Variants in FSHR observed in about 807,000 individuals in gnomAD.
FSHR encodes follicle stimulating hormone receptor.
FSHR carries 46 observed loss-of-function variants against 52.1 expected under a neutral mutation model. That is an observed-to-expected ratio of 0.88 (90% CI 0.70 to 1.13). FSHR has a LOEUF of 1.13. Among genes scored for constraint, FSHR ranks in the 50% most tolerant of loss-of-function variants. The pLI is 0.00. For missense variants in FSHR, 964 were observed against 834.6 expected (o/e 1.16, Z -1.91); for synonymous variants, 399 against 309.6 (o/e 1.29, Z -3.03).
In FSHR at chr2:49,017,824, A is replaced by G. The variant is rs1173374139; in HGVS notation, c.300-261T>C. Reference sequence around the variant, plus strand: ...TCATTACCTGGGCCCTGTCCGCTGGAGGCAAACAGAGCATTGGCTGGGTGG... The same window carrying G: ...TCATTACCTGGGCCCTGTCCGCTGGGGGCAAACAGAGCATTGGCTGGGTGG... On this transcript the variant is annotated intron_variant, in intron 3 of 9. Coordinates refer to ENST00000406846, the MANE Select transcript of FSHR (RefSeq NM_000145.4). Among the ~76,000 whole-genome samples, 8 of 152,182 alleles carry G rather than the reference A, an allele frequency of 5.3e-5. No homozygotes were observed. In the South Asian group the frequency reaches 1.7e-3, roughly 32 times the overall value.
chr2:49,011,266 C>T (rs1667260799), intron 4 of FSHR, among the ~76,000 whole-genome samples: 1 of 151,916 alleles, frequency 6.6e-6, no homozygotes, highest in African/African-American at 2.4e-5. Flanking sequence ...ATATTTATTT[C>T]TGCCTTCATT....
intron 2 of FSHR, among the ~76,000 whole-genome samples, chr2:49,057,678 A>G (rs1669112560): frequency 2.0e-5 from 3 of 152,172 alleles, no homozygotes; most frequent in South Asian, 2.1e-4. Context: ...ACTCATTCTC[A>G]TAGGCCAGCA....
In FSHR at chr2:48,996,735, T is replaced by C. The variant is rs139637081; in HGVS notation, c.375-6098A>G. On this transcript the variant is annotated intron_variant, in intron 4 of 9. Coordinates refer to ENST00000406846, the MANE Select transcript of FSHR (RefSeq NM_000145.4). Reference sequence around the variant, plus strand: ...TCATTCAACCTCAGTTGGGAACCCATGTCAAGACACTCAAATTTTTGTCTT... The same window carrying C: ...TCATTCAACCTCAGTTGGGAACCCACGTCAAGACACTCAAATTTTTGTCTT... 9.2e-5 allele frequency among the ~76,000 whole-genome samples: 14 copies of C among 152,232 alleles called. 1 individual carries two copies.
intron 2 of FSHR, among the ~76,000 whole-genome samples, chr2:49,054,639 T>A (rs1382151667): frequency 1.3e-5 from 2 of 152,098 alleles, no homozygotes; most frequent in African/African-American, 4.8e-5. Context: ...AGACCCTGAG[T>A]TGGCCAACGC....
intron 1 of FSHR, among the ~76,000 whole-genome samples, chr2:49,091,307 T>A (rs2103690913): frequency 6.6e-6 from 1 of 151,872 alleles, no homozygotes; most frequent in East Asian, 1.9e-4. Context: ...TTTAGAACAT[T>A]AAAAAAAAAT....
chr2:49,087,181 A>G (rs1441345482), intron 1 of FSHR, among the ~76,000 whole-genome samples: 1 of 149,486 alleles, frequency 6.7e-6, no homozygotes, highest in African/African-American at 2.5e-5. Context: ...AACAGGATAT[A>G]TACACTTTCC....
At chr2:49,013,497 T>TATAAATATATATATATATAA (rs1558389476) in intron 4 of FSHR, among the ~76,000 whole-genome samples, 27 of 66,578 alleles carry the variant, frequency 4.1e-4, no homozygotes, top group African/African-American at 9.5e-4. Context: ...TATATATATA[T>TATAAATATATATATATATAA]ATAAATATAT....
Position 49,154,502 on chromosome 2 carries a change from A to T in FSHR, c.-85T>A. 7.2e-7 allele frequency: 1 copy of T among 1,382,598 alleles called. No individual in the cohort carries two copies. The highest frequency in any genetic ancestry group is 1.0e-6 in the Non-Finnish European group (1 of 981,546). 85.6% of individuals were successfully genotyped at this position (1,382,598 alleles called of 1,614,324 possible). A position where few individuals can be genotyped will look rare whatever the true frequency, so the allele number is the denominator to read the frequency against. On this transcript the variant is annotated 5_prime_UTR_variant, in exon 1 of 10. Coordinates refer to ENST00000406846, the MANE Select transcript of FSHR (RefSeq NM_000145.4). The stretch of plus-strand genomic sequence containing the variant: ...CTCAGAAGCTCCACACAGTGCCCTT[A>T]TGAGAAGAGATCTGACTTGAGAACT...
At chr2:49,070,724 T>G (rs947971606) in intron 1 of FSHR, among the ~76,000 whole-genome samples, 3 of 152,204 alleles carry the variant, frequency 2.0e-5, no homozygotes, top group African/African-American at 4.8e-5. Context: ...AGTTCAAACT[T>G]ATTAACATAA....
At chr2:49,122,156 A>G (rs985335918) in intron 1 of FSHR, among the ~76,000 whole-genome samples, 1 of 152,206 alleles carries the variant, frequency 6.6e-6, no homozygotes, top group Non-Finnish European at 1.5e-5. Context: ...ACTTTAGGAT[A>G]AAATATGCTT....
At chr2:49,061,270 G>T (rs1669277796) in intron 2 of FSHR, among the ~76,000 whole-genome samples, 1 of 152,050 alleles carries the variant, frequency 6.6e-6, no homozygotes, top group Admixed American at 6.6e-5. Flanking sequence ...CCCCATAGCT[G>T]CTGTGAGCAT....
chr2:49,072,466 T>A (rs754012976), intron 1 of FSHR, among the ~76,000 whole-genome samples: 1 of 152,090 alleles, frequency 6.6e-6, no homozygotes, highest in Non-Finnish European at 1.5e-5. Context: ...AAGCTTCCAA[T>A]ACAATAAACT....
chr2:49,087,356 GC>G (rs963684794), intron 1 of FSHR, among the ~76,000 whole-genome samples: 4 of 152,146 alleles, frequency 2.6e-5, no homozygotes, highest in African/African-American at 9.6e-5. Context: ...AAACAAGAAA[GC>G]CAGAGAGGGG....
At chr2:49,059,721 G>C (rs1669212846) in intron 2 of FSHR, 2 of 152,128 alleles carry the variant, frequency 1.3e-5, no homozygotes, top group Admixed American at 1.3e-4. Context: ...ACTCAACATG[G>C]ATCAAATTCC....
At chr2:49,016,111 T>C (rs1285670058) in intron 4 of FSHR, among the ~76,000 whole-genome samples, 1 of 152,208 alleles carries the variant, frequency 6.6e-6, no homozygotes, top group Non-Finnish European at 1.5e-5. Flanking sequence ...GTGTTTCTTA[T>C]TATACCTGTT....
intron 1 of FSHR, among the ~76,000 whole-genome samples, chr2:49,121,362 A>C (rs1671811805): frequency 6.6e-6 from 1 of 152,206 alleles, no homozygotes; most frequent in Non-Finnish European, 1.5e-5. Flanking sequence ...ACCAAATAAG[A>C]TAATGCCAAA....
intron 1 of FSHR, among the ~76,000 whole-genome samples, chr2:49,105,928 C>A (rs1671204892): frequency 6.6e-6 from 1 of 152,164 alleles, no homozygotes; most frequent in South Asian, 2.1e-4. Context: ...AATCAGCAAG[C>A]TAGACCTTAC....
chr2:48,987,547 T>C (rs1675566383), intron 6 of FSHR, among the ~76,000 whole-genome samples: 1 of 152,170 alleles, frequency 6.6e-6, no homozygotes. Flanking sequence ...GTGCTCTTCC[T>C]GGTCTTGATT....
chr2:49,030,830 CTGCACCTCCTTTG>C (rs1324111078), intron 2 of FSHR, among the ~76,000 whole-genome samples: 1 of 152,168 alleles, frequency 6.6e-6, no homozygotes, highest in Non-Finnish European at 1.5e-5. Context: ...AGCCCTACTC[CTGCACCTCCTTTG>C]TCTCCTATTG....
Sources: gnomAD v4.1 joint callset for allele counts (sites outside exome capture counted in the v4.1 genomes callset) on GRCh38, gnomAD v4.1.1 for gene constraint, MANE v1.5 for transcripts, NCBI Gene and HGNC (gene_info 2026-07-23, HGNC 2026-07-21) for gene names.